Variants in GATD1 observed in about 807,000 individuals in gnomAD.
GATD1 encodes glutamine amidotransferase-like class 1 domain-containing protein 1.
In GATD1, 23 loss-of-function variants were observed where a neutral mutation model predicts 25.9. The observed-to-expected ratio is 0.89, with a 90% CI of 0.64 to 1.26. The LOEUF is 1.26. Ranked by LOEUF, GATD1 falls within the 50% of genes most tolerant of loss-of-function variation. The pLI, the probability that GATD1 is intolerant of heterozygous loss-of-function variation, is 0.00. For synonymous variants in GATD1, 177 were observed against 134.6 expected, an observed-to-expected ratio of 1.31 and a Z score of -2.18; for missense variants, 347 against 312.5, an observed-to-expected ratio of 1.11 and a Z score of -0.83.
Position 767,636 on chromosome 11 carries a change from C to A in GATD1, c.*3261G>T. On this transcript the variant is annotated 3_prime_UTR_variant, in exon 8 of 8. Coordinates refer to ENST00000319863, the MANE Select transcript of GATD1 (RefSeq NM_182612.4). ...CCTGCTGTGGCCTGAGCACGTCCCC[C>A]CAAAACCCACCTGCTTAAGTCCTCA... is the stretch of plus-strand genomic sequence containing the variant. 2 of 1,314,804 alleles carry A rather than the reference C, an allele frequency of 1.5e-6. No homozygotes were observed. The highest frequency in any genetic ancestry group is 1.9e-6 in the Non-Finnish European group (2 of 1,031,660). The allele number at this position is 1,314,804 out of a possible 1,614,324, so 81.4% of individuals were successfully genotyped here.
At position 769,479 on chromosome 11, in the gene GATD1, C is replaced by G. The variant is rs1351120560; in HGVS notation, c.*1418G>C. On this transcript the variant is annotated 3_prime_UTR_variant, in exon 8 of 8. Coordinates refer to ENST00000319863, the MANE Select transcript of GATD1 (RefSeq NM_182612.4). ...GGGAATACAGGCGCCTGACACCACA[C>G]CCGGCTCATTTTTGTATTTTAGTTT... 6.0e-6 allele frequency: 1 copy of G among 166,668 alleles called. No homozygotes were observed. The highest frequency in any genetic ancestry group is 2.4e-5 in the African/African-American group (1 of 41,640). 10.3% of individuals were successfully genotyped at this position (166,668 alleles called of 1,614,324 possible).
At chr11:773,452 G>A in intron 4 of GATD1, 70 bp downstream of exon 4, 3 of 1,271,646 alleles carry the variant, frequency 2.4e-6, no homozygotes, top group Non-Finnish European at 3.4e-6. Context: ...CCTCTCTTCT[G>A]CTGGTGGGAG....
chr11:777,001 G>A, intron 1 of GATD1: 1 of 161,900 alleles, frequency 6.2e-6, no homozygotes, highest in Non-Finnish European at 1.3e-5. Context: ...TCCCGGAATG[G>A]CCCCTCCCCA....
intron 1 of GATD1, among the ~76,000 whole-genome samples, chr11:776,045 C>T (rs1377513643): frequency 8.4e-6 from 1 of 118,756 alleles, no homozygotes; most frequent in African/African-American, 3.3e-5. Context: ...TGCAGTGGTG[C>T]GATCTCGGCT....
chr11:770,170 C>A lies in GATD1; in HGVS notation c.*727G>T. 7.9e-7 allele frequency: 1 copy of A among 1,273,738 alleles called. No individual in the cohort carries two copies. The highest frequency in any genetic ancestry group is 1.5e-5 in the African/African-American group (1 of 65,842). The allele number at this position is 1,273,738 out of a possible 1,614,324, so 78.9% of individuals were successfully genotyped here. On this transcript the variant is annotated 3_prime_UTR_variant, in exon 8 of 8. Transcript: ENST00000319863. ...GCCCAGCAGGCTGGACCACTGTCTG[C>A]TCTTGATAGCCGCTCTACCCGAGGC...
rs1863236150 is a variant in GATD1 at position 769,323 on chromosome 11, TATTA to T, written c.*1570_*1573del. On this transcript the variant is annotated 3_prime_UTR_variant, in exon 8 of 8. Coordinates refer to ENST00000319863, the MANE Select transcript of GATD1 (RefSeq NM_182612.4). The stretch of plus-strand genomic sequence containing the variant: ...TTCTCCTTATTGAACGGCTTTATTT[TATTA>T]TTTTTTATTTTTGAGACGGAGTTTC... The T allele has an allele frequency of 8.1e-6, 8 of 982,118 alleles. No individual in the cohort carries two copies. The highest frequency in any genetic ancestry group is 9.7e-6 in the Non-Finnish European group (8 of 827,108). 60.8% of individuals were successfully genotyped at this position (982,118 alleles called of 1,614,324 possible).
In GATD1 at chr11:771,417, A is replaced by T; in HGVS notation, c.460T>A (p.Cys154Ser). Residue 154 changes from cysteine (C) to serine (S), a missense_variant, in exon 6 of 8, where the codon TGT (cysteine) becomes AGT (serine). Coordinates refer to ENST00000319863, the MANE Select transcript of GATD1 (RefSeq NM_182612.4). ...AAGCCGGGGGCCCTGACGAGCTCAC[A>T]CACAGAGGGCTGCGGGAGCGGGGTG... is the stretch of plus-strand genomic sequence containing the variant. Reference protein sequence around the residue: ...DSYSLTGPSVCELVRAPGFAR... With the variant: ...DSYSLTGPSVSELVRAPGFAR... The T allele has an allele frequency of 6.5e-7, 1 of 1,541,158 alleles. No homozygotes were observed. Among genetic ancestry groups the T allele is most frequent in the South Asian group, 1.3e-5 (1 of 78,912 alleles).
intron 2 of GATD1, among the ~76,000 whole-genome samples, chr11:774,676 C>T (rs546384992): frequency 5.0e-4 from 76 of 152,270 alleles, no homozygotes; most frequent in Middle Eastern, 6.8e-3. Flanking sequence ...ACTAAAAATA[C>T]AAAATGAGCT....
intron 1 of GATD1, 138 bp from the exon 2 acceptor site, chr11:775,280 C>G: frequency 3.2e-6 from 2 of 629,444 alleles, no homozygotes; most frequent in Admixed American, 3.2e-5. Context: ...CCAAGAACGA[C>G]TACTTGAAGC....
chr11:771,460 C>T (rs1299829026), intron 5 of GATD1, 34 bp from the exon 6 acceptor site: 1 of 1,503,680 alleles, frequency 6.7e-7, no homozygotes, highest in Admixed American at 2.3e-5. Flanking sequence ...CTGAGACAGG[C>T]CCAGGCCCTG....
At chr11:772,610 G>T in intron 4 of GATD1, 89 bp from the exon 5 acceptor site, 1 of 1,238,460 alleles carries the variant, frequency 8.1e-7, no homozygotes, top group Non-Finnish European at 1.2e-6. Context: ...GGCTCCCCCA[G>T]GCTTGTGCCG....
intron 4 of GATD1, 169 bp downstream of exon 4, chr11:773,353 G>A (rs1025324013): frequency 8.2e-6 from 5 of 606,120 alleles, no homozygotes; most frequent in Non-Finnish European, 1.4e-5. Flanking sequence ...TGTGTGTGTC[G>A]GGGGAAGGGG....
chr11:770,711 C>T lies in GATD1; in HGVS notation c.*186G>A. On this transcript the variant is annotated 3_prime_UTR_variant, in exon 8 of 8. Coordinates refer to ENST00000319863, the MANE Select transcript of GATD1 (RefSeq NM_182612.4). Reference sequence around the variant, plus strand: ...CATGCAGGAGGATGGGGGTTTGGACCCTCCAGGAGAGCCGACACCCCCTCA... The same window carrying T: ...CATGCAGGAGGATGGGGGTTTGGACTCTCCAGGAGAGCCGACACCCCCTCA... 6.9e-7 allele frequency: 1 copy of T among 1,448,030 alleles called. No individual in the cohort carries two copies. The highest frequency in any genetic ancestry group is 9.0e-7 in the Non-Finnish European group (1 of 1,105,826). The allele number at this position is 1,448,030 out of a possible 1,614,324, so 89.7% of individuals were successfully genotyped here. A position where few individuals can be genotyped will look rare whatever the true frequency, so the allele number is the denominator to read the frequency against.
chr11:770,560 C>T lies in GATD1; in HGVS notation c.*337G>A. On this transcript the variant is annotated 3_prime_UTR_variant, in exon 8 of 8. Transcript: ENST00000319863. ...GACCCCCGAGCCGACTCTGTCTAGT[C>T]AACAGTGACCACACGTGACAACCAG... is the stretch of plus-strand genomic sequence containing the variant. 7.1e-7 allele frequency: 1 copy of T among 1,416,106 alleles called. No homozygotes were observed. The highest frequency in any genetic ancestry group is 9.2e-7 in the Non-Finnish European group (1 of 1,088,066). The allele number at this position is 1,416,106 out of a possible 1,614,324, so 87.7% of individuals were successfully genotyped here. A position where few individuals can be genotyped will look rare whatever the true frequency, so the allele number is the denominator to read the frequency against.
chr11:777,438 T>G lies in GATD1; in HGVS notation c.25A>C (p.Arg9=). Residue 9 remains arginine (R), a synonymous_variant, in exon 1 of 8, where the codon AGG becomes CGG. Transcript: ENST00000319863. MASERLPN[R]PACLLVASGA... is the part of the protein sequence containing the mutation. ...CTGGCCACGAGCAGACAGGCGGGCC[T>G]GTTAGGGAGCCGCTCGGACGCCATG... 1.6e-6 allele frequency: 2 copies of G among 1,265,798 alleles called. No homozygotes were observed. Among genetic ancestry groups the G allele is most frequent in the South Asian group, 2.4e-5 (1 of 40,894 alleles). 78.4% of individuals were successfully genotyped at this position (1,265,798 alleles called of 1,614,324 possible).
chr11:775,195 C>T, intron 1 of GATD1, 53 bp from the exon 2 acceptor site: 1 of 1,464,814 alleles, frequency 6.8e-7, no homozygotes, highest in East Asian at 2.4e-5. Context: ...TGCCCCGCCT[C>T]AGGGGGCTAC....
In GATD1 at chr11:770,076, A is replaced by C; in HGVS notation, c.*821T>G. 5.0e-6 allele frequency: 6 copies of C among 1,194,494 alleles called. No individual in the cohort carries two copies. Among genetic ancestry groups the C allele is most frequent in the African/African-American group, 1.6e-5 (1 of 63,592 alleles). 74.0% of individuals were successfully genotyped at this position (1,194,494 alleles called of 1,614,324 possible). ...GAACTGTGAGGAAGTAGAGGGCCTAAGCCTCTCCTGGACGCCCTAACCTGG... is the reference window on the plus strand; with the variant it reads ...GAACTGTGAGGAAGTAGAGGGCCTACGCCTCTCCTGGACGCCCTAACCTGG... On this transcript the variant is annotated 3_prime_UTR_variant, in exon 8 of 8. Transcript: ENST00000319863.
In GATD1 at chr11:767,490, C is replaced by G. The variant is rs1435178755; in HGVS notation, c.*3407G>C. On this transcript the variant is annotated 3_prime_UTR_variant, in exon 8 of 8. Coordinates refer to ENST00000319863, the MANE Select transcript of GATD1 (RefSeq NM_182612.4). ...CTCACGCGGAGACAGGTCTGTGGGG[C>G]CCCGCGTCAGAACCCACTTCACATC... 7.0e-7 allele frequency: 1 copy of G among 1,433,816 alleles called. No homozygotes were observed. The highest frequency in any genetic ancestry group is 9.1e-7 in the Non-Finnish European group (1 of 1,099,862). The allele number at this position is 1,433,816 out of a possible 1,614,324, so 88.8% of individuals were successfully genotyped here.
At position 770,232 on chromosome 11, in the gene GATD1, CATT is replaced by C. The variant is rs1393981828; in HGVS notation, c.*662_*664del. The C allele has an allele frequency of 1.4e-6, 2 of 1,385,612 alleles. No homozygotes were observed. The highest frequency in any genetic ancestry group is 5.3e-5 in the East Asian group (2 of 38,006). The allele number at this position is 1,385,612 out of a possible 1,614,324, so 85.8% of individuals were successfully genotyped here. On this transcript the variant is annotated 3_prime_UTR_variant, in exon 8 of 8. Coordinates refer to ENST00000319863, the MANE Select transcript of GATD1 (RefSeq NM_182612.4). ...GCCGTGGGGGACAGCACTTTCCTAT[CATT>C]GAGAATCTCATGGTCTCATATTCAC...
Sources: gnomAD v4.1 joint callset for allele counts (sites outside exome capture counted in the v4.1 genomes callset) on GRCh38, gnomAD v4.1.1 for gene constraint, MANE v1.5 for transcripts, NCBI Gene and HGNC (gene_info 2026-07-23, HGNC 2026-07-21) for gene names.